The following SLC35F5 variants were observed in gnomAD, a reference collection of about 807,000 sequenced individuals.
The protein encoded by SLC35F5 is HCV NS5A-transactivated protein 3.
In SLC35F5, 54 loss-of-function variants were observed where a neutral mutation model predicts 68.6. That is an observed-to-expected ratio of 0.79 (90% CI 0.63 to 0.99). The LOEUF is 0.99. Among genes scored for constraint, SLC35F5 ranks in the 50% least tolerant of loss-of-function variants. The pLI, the probability that SLC35F5 is intolerant of heterozygous loss-of-function variation, is 0.00. For missense variants in SLC35F5, 567 were observed against 626.9 expected (o/e 0.90, Z 1.02); for synonymous variants, 211 against 205.2 (o/e 1.03, Z -0.24).
rs1369324494 is a variant in SLC35F5, at chr2:113,711,551, G to C, written c.*3667C>G. 6.6e-6 allele frequency among the ~76,000 whole-genome samples: 1 copy of C among 152,108 alleles called. No individual in the cohort carries two copies. Among genetic ancestry groups the C allele is most frequent in the Non-Finnish European group, 1.5e-5 (1 of 68,008 alleles). Reference sequence around the variant, plus strand: ...GTGTCTAAAAATTGCAAGTCTATGTGAAAAATCAACCTCAATTTATCTAAA... The same window carrying C: ...GTGTCTAAAAATTGCAAGTCTATGTCAAAAATCAACCTCAATTTATCTAAA... On this transcript the variant is annotated 3_prime_UTR_variant, in exon 16 of 16. Transcript: ENST00000245680.
downstream of SLC35F5, among the ~76,000 whole-genome samples, chr2:113,704,294 C>T (rs1312161980): frequency 6.6e-6 from 1 of 152,206 alleles, no homozygotes; most frequent in Non-Finnish European, 1.5e-5. Flanking sequence ...GGTGCGTTTA[C>T]AATCCCTGAG....
At chr2:113,735,171 C>CT (rs1688038272) in intron 8 of SLC35F5, among the ~76,000 whole-genome samples, 1 of 152,062 alleles carries the variant, frequency 6.6e-6, no homozygotes, top group African/African-American at 2.4e-5. Flanking sequence ...GGAAAGGCAA[C>CT]TACAATACAA....
intron 4 of SLC35F5, among the ~76,000 whole-genome samples, chr2:113,749,926 T>G (rs1676668256): frequency 6.6e-6 from 1 of 152,192 alleles, no homozygotes; most frequent in African/African-American, 2.4e-5. Flanking sequence ...AACTCATATT[T>G]CTTTCAACAC....
chr2:113,755,811 G>A (rs746251907), intron 1 of SLC35F5: 24 of 1,535,418 alleles, frequency 1.6e-5, no homozygotes, highest in Non-Finnish European at 2.0e-5. Context: ...TTAACTACCA[G>A]AAAATAGCTT....
At chr2:113,753,166 T>TC (rs978378161) in intron 3 of SLC35F5, among the ~76,000 whole-genome samples, 17 of 110,612 alleles carry the variant, frequency 1.5e-4, no homozygotes, top group African/African-American at 5.5e-4. Flanking sequence ...AAGTTTGTTT[T>TC]TCTTTTTTTT....
At chr2:113,717,900 G>A in intron 14 of SLC35F5, 50 bp from the exon 15 acceptor site, 1 of 1,365,256 alleles carries the variant, frequency 7.3e-7, no homozygotes, top group Non-Finnish European at 1.0e-6. Flanking sequence ...AGCTGAAAAG[G>A]AACCTCAAAC....
At chr2:113,703,162 T>TTC (rs142671681), downstream of SLC35F5, among the ~76,000 whole-genome samples, 5,275 of 147,256 alleles carry the variant, frequency 0.036, 140 homozygotes, top group African/African-American at 0.065. Flanking sequence ...ATGAATCTCT[T>TTC]TCTCTCTCTC....
At chr2:113,743,660 T>C in intron 6 of SLC35F5, 53 bp downstream of exon 6, 1 of 1,440,176 alleles carries the variant, frequency 6.9e-7, no homozygotes, top group South Asian at 1.2e-5. Flanking sequence ...CACTAAGTTC[T>C]GAAGTGGCTT....
At chr2:113,753,190 T>TTTTTTTTTTTTTTTTTTTTTC (rs1676826436) in intron 3 of SLC35F5, among the ~76,000 whole-genome samples, 1 of 132,750 alleles carries the variant, frequency 7.5e-6, no homozygotes, top group Non-Finnish European at 1.6e-5. Context: ...TTTTTTTTTT[T>TTTTTTTTTTTTTTTTTTTTTC]TTTTTGCTAA....
chr2:113,745,951 T>A (rs1219546854), intron 5 of SLC35F5, among the ~76,000 whole-genome samples: 1 of 152,188 alleles, frequency 6.6e-6, no homozygotes, highest in East Asian at 1.9e-4. Context: ...AGTCTCAGTG[T>A]CAAAAATATT....
intron 9 of SLC35F5, among the ~76,000 whole-genome samples, chr2:113,731,879 A>T (rs1687909847): frequency 6.6e-6 from 1 of 152,184 alleles, no homozygotes; most frequent in Non-Finnish European, 1.5e-5. Flanking sequence ...CCTTATAAGG[A>T]AGTGTTATTA....
Position 113,715,947 on chromosome 2 carries a change from A to G in SLC35F5, c.*23-752T>C, listed in dbSNP as rs537082498. Among the ~76,000 whole-genome samples, 4 of 152,288 alleles carry G rather than the reference A, an allele frequency of 2.6e-5. No individual in the cohort carries two copies. The East Asian group carries it at 7.7e-4, about 29-fold the overall frequency. ...CACTAAAAAGGAAACAAAGGGTTAAAAAAATATATTTTTTAACAGAAATAA... is the reference window on the plus strand; with the variant it reads ...CACTAAAAAGGAAACAAAGGGTTAAGAAAATATATTTTTTAACAGAAATAA... On this transcript the variant is annotated intron_variant, in intron 15 of 15. Transcript: ENST00000245680.
intron 3 of SLC35F5, among the ~76,000 whole-genome samples, chr2:113,751,061 CCT>C (rs1196658516): frequency 1.3e-5 from 2 of 152,126 alleles, no homozygotes; most frequent in Non-Finnish European, 2.9e-5. Flanking sequence ...GGGAGGATCC[CCT>C]GAGTTCACAA....
Position 113,750,427 on chromosome 2 carries a change from A to T in SLC35F5, c.415T>A (p.Phe139Ile), listed in dbSNP as rs756717732. 4.4e-6 allele frequency: 7 copies of T among 1,594,284 alleles called. No individual in the cohort carries two copies. The highest frequency in any genetic ancestry group is 6.0e-6 in the Non-Finnish European group (7 of 1,171,870). ...TRGLRGKHAA[F>I]FADAEGYFAA... The stretch of plus-strand genomic sequence containing the variant: ...GACAGTTAAAATTAAAAACTTACAA[A>T]AGCAGCATGCTTTCCGCGAAGTCCT... Residue 139 changes from phenylalanine (F) to isoleucine (I), a missense_variant and splice_region_variant, in exon 4 of 16, where the codon TTT (phenylalanine) becomes ATT (isoleucine). Phe to Ile is a conservative substitution (Grantham distance 21). Transcript: ENST00000245680.
chr2:113,731,236 G>A lies in SLC35F5; in HGVS notation c.985+348C>T, dbSNP rs954211878. 5.9e-5 allele frequency among the ~76,000 whole-genome samples: 9 copies of A among 151,940 alleles called. No homozygotes were observed. In the South Asian group the frequency reaches 6.2e-4, roughly 11 times the overall value. The stretch of plus-strand genomic sequence containing the variant: ...CATTTAAAGGAAACTAAGGAAACAC[G>A]ACAATTAAATGCAATAAATGATCCT... On this transcript the variant is annotated intron_variant, in intron 10 of 15. Coordinates refer to ENST00000245680, the MANE Select transcript of SLC35F5 (RefSeq NM_025181.5).
intron 1 of SLC35F5, chr2:113,756,041 A>G: frequency 6.8e-7 from 1 of 1,471,732 alleles, no homozygotes. Flanking sequence ...ATGCTCCTCC[A>G]CCCACCTCTA....
rs989436438 is a variant in SLC35F5 at position 113,747,217 on chromosome 2, G to A, written c.418-878C>T. Reference sequence around the variant, plus strand: ...GCAGGGGAATCGCTTGAACCAGGACGTGGAGGTTGCAGTGAGCCGAGATCA... The same window carrying A: ...GCAGGGGAATCGCTTGAACCAGGACATGGAGGTTGCAGTGAGCCGAGATCA... On this transcript the variant is annotated intron_variant, in intron 4 of 15. Coordinates refer to ENST00000245680, the MANE Select transcript of SLC35F5 (RefSeq NM_025181.5). Among the ~76,000 whole-genome samples, 7 of 151,564 alleles carry A rather than the reference G, an allele frequency of 4.6e-5. No individual in the cohort carries two copies. The South Asian group carries it at 6.2e-4, about 14-fold the overall frequency.
In SLC35F5 at chr2:113,756,615, A is replaced by T; in HGVS notation, c.-206T>A. 1.5e-6 allele frequency: 2 copies of T among 1,347,400 alleles called. No homozygotes were observed. Among genetic ancestry groups the T allele is most frequent in the Admixed American group, 3.1e-5 (1 of 31,866 alleles). The allele number at this position is 1,347,400 out of a possible 1,614,324, so 83.5% of individuals were successfully genotyped here. ...GGTGAGGGGAAGGGACGGCACAGTC[A>T]GCTATGGCCGCGGAGGCCCGGAGAT... On this transcript the variant is annotated 5_prime_UTR_variant, in exon 1 of 16. Transcript: ENST00000245680.
chr2:113,723,033 A>C, intron 13 of SLC35F5, 71 bp downstream of exon 13: 1 of 1,021,740 alleles, frequency 9.8e-7, no homozygotes, highest in East Asian at 2.7e-5. Context: ...ATTTAATCAC[A>C]TCTCAACTTT....
Sources: allele counts gnomAD v4.1 joint callset (sites outside exome capture counted in the v4.1 genomes callset), GRCh38; gene constraint gnomAD v4.1.1; transcripts MANE v1.5; gene names NCBI Gene and HGNC (gene_info 2026-07-23, HGNC 2026-07-21).